CD36: variants seen among roughly 807,000 people sequenced by gnomAD.
The protein encoded by CD36 is CD36 molecule (CD36 blood group).
In CD36, 119 loss-of-function variants were observed where a neutral mutation model predicts 55.2. The observed-to-expected ratio is 2.15, with a 90% CI of 1.86 to 2.51. CD36 has a LOEUF of 2.51. CD36 is among the 30% of genes most tolerant of loss of function. The pLI is 0.00. For synonymous variants in CD36, 186 were observed against 193.6 expected, an observed-to-expected ratio of 0.96 and a Z score of 0.33; for missense variants, 819 against 555.5, an observed-to-expected ratio of 1.47 and a Z score of -4.77.
intron 1 of CD36, among the ~76,000 whole-genome samples, chr7:80,614,065 A>G (rs947783922): frequency 6.6e-6 from 1 of 152,218 alleles, no homozygotes; most frequent in Non-Finnish European, 1.5e-5. Context: ...ATAAAAGAGC[A>G]TTAATGCCAA....
chr7:80,652,076 T>C (rs561799887), intron 3 of CD36, among the ~76,000 whole-genome samples: 1 of 151,912 alleles, frequency 6.6e-6, no homozygotes, highest in South Asian at 2.1e-4. Flanking sequence ...ATATTAAAGA[T>C]GGTAAAGTTT....
chr7:80,664,112 C>A (rs927599194), intron 6 of CD36, among the ~76,000 whole-genome samples: 6 of 152,090 alleles, frequency 3.9e-5, no homozygotes, highest in Non-Finnish European at 8.8e-5. Context: ...ATGTCCCTCA[C>A]CTCAACATAG....
chr7:80,665,656 T>TAAGA (rs1282253184), intron 7 of CD36, among the ~76,000 whole-genome samples: 3 of 152,084 alleles, frequency 2.0e-5, no homozygotes, highest in African/African-American at 7.2e-5. Context: ...CTAGTTAGAG[T>TAAGA]AAGAATTTCA....
chr7:80,650,646 A>G (rs185922129), intron 3 of CD36, among the ~76,000 whole-genome samples: 2 of 152,228 alleles, frequency 1.3e-5, no homozygotes, highest in East Asian at 1.9e-4. Flanking sequence ...GAAAAAAATA[A>G]TTAAACTTCT....
At chr7:80,611,428 A>T (rs927765759) in intron 1 of CD36, among the ~76,000 whole-genome samples, 2 of 152,138 alleles carry the variant, frequency 1.3e-5, no homozygotes, top group African/African-American at 4.8e-5. Flanking sequence ...AGTCATCTTG[A>T]AAATTCTGAG....
At chr7:80,666,302 AT>A in intron 7 of CD36, 140 bp from the exon 8 acceptor site, 5 of 672,586 alleles carry the variant, frequency 7.4e-6, no homozygotes, top group Non-Finnish European at 1.3e-5. Context: ...CATAAACAGA[AT>A]TGAACATTTC....
rs574729233 is a variant in CD36 at position 80,609,018 on chromosome 7, G to T, written c.-184+6639G>T. ...TTCCCTCCAATCCATTCTTCATGCT[G>T]ATGCCAAGGCCATCTCCTAAACCCA... On this transcript the variant is annotated intron_variant, in intron 1 of 13. Coordinates refer to the CD36 transcript ENST00000309881. 4.8e-5 allele frequency among the ~76,000 whole-genome samples: 7 copies of T among 145,512 alleles called. No individual in the cohort carries two copies. In the East Asian group the frequency reaches 1.4e-3, roughly 30 times the overall value.
intron 1 of CD36, among the ~76,000 whole-genome samples, chr7:80,610,687 G>C (rs1472480929): frequency 6.6e-6 from 1 of 152,026 alleles, no homozygotes; most frequent in East Asian, 1.9e-4. Flanking sequence ...CGATTCTCCT[G>C]CCTCAGCCTC....
At chr7:80,605,424 A>AT (rs1434145090) in intron 1 of CD36, among the ~76,000 whole-genome samples, 1 of 152,150 alleles carries the variant, frequency 6.6e-6, no homozygotes, top group Non-Finnish European at 1.5e-5. Context: ...CATATTCATC[A>AT]TTTTATGGAC....
Position 80,671,947 on chromosome 7 carries a change from T to G in CD36, c.1032T>G (p.Pro344=). 1 of 1,611,446 alleles carries G rather than the reference T, an allele frequency of 6.2e-7. No homozygotes were observed. The highest frequency in any genetic ancestry group is 8.5e-7 in the Non-Finnish European group (1 of 1,178,138). ...GGAGACCTGTGTACATTTCACTTCC[T>G]CATTTTCTGTATGCAAGTCCTGATG... is the stretch of plus-strand genomic sequence containing the variant. ...KEGRPVYISL[P]HFLYASPDVS... Residue 344 remains proline, a synonymous_variant, in exon 11 of 15, where the codon CCT becomes CCG. Coordinates refer to ENST00000447544, the MANE Select transcript of CD36 (RefSeq NM_001001548.3).
At position 80,674,082 on chromosome 7, in the gene CD36, G is replaced by GAC; in HGVS notation, c.1354_1355insAC (p.Gly452AspfsTer4). On this transcript the variant is annotated frameshift_variant, in exon 14 of 15. Coordinates refer to ENST00000447544, the MANE Select transcript of CD36 (RefSeq NM_001001548.3). LOFTEE classifies it high-confidence loss of function. ...GATAGAAATGATCTTACTCAGTGTT[G>GAC]GTGTGGTGATGTTTGTTGCTTTTAT... 1 of 1,611,962 alleles carries GAC rather than the reference G, an allele frequency of 6.2e-7. No homozygotes were observed. Among genetic ancestry groups the GAC allele is most frequent in the Non-Finnish European group, 8.5e-7 (1 of 1,178,604 alleles).
intron 1 of CD36, among the ~76,000 whole-genome samples, chr7:80,622,790 A>G (rs1793539163): frequency 6.6e-6 from 1 of 152,216 alleles, no homozygotes; most frequent in Non-Finnish European, 1.5e-5. Flanking sequence ...GCATTTGTAT[A>G]AAGAATTGTC....
chr7:80,643,894 G>A (rs890341226), intron 1 of CD36, among the ~76,000 whole-genome samples: 4 of 152,042 alleles, frequency 2.6e-5, no homozygotes, highest in Admixed American at 2.0e-4. Flanking sequence ...TAATTGCTTC[G>A]TTAAGTATAA....
intron 7 of CD36, chr7:80,666,101 C>A (rs1425186233): frequency 3.3e-6 from 1 of 300,766 alleles, no homozygotes; most frequent in Non-Finnish European, 6.4e-6. Context: ...ACTTATACTA[C>A]TGAGTAATTC....
At chr7:80,674,948 T>C (rs1269179949) in intron 14 of CD36, among the ~76,000 whole-genome samples, 1 of 152,128 alleles carries the variant, frequency 6.6e-6, no homozygotes, top group Non-Finnish European at 1.5e-5. Context: ...GATTTTCCAA[T>C]AGCCTGGATT....
chr7:80,672,742 G>A, intron 11 of CD36, 28 bp from the exon 12 acceptor site: 1 of 1,471,750 alleles, frequency 6.8e-7, no homozygotes, highest in Non-Finnish European at 9.5e-7. Flanking sequence ...TTTAAAAGTT[G>A]GTAATTATTT....
chr7:80,647,519 T>C (rs1046182562), intron 3 of CD36, among the ~76,000 whole-genome samples: 2 of 152,150 alleles, frequency 1.3e-5, no homozygotes, highest in African/African-American at 2.4e-5. Context: ...ATTGAATAGA[T>C]GGGCTTTGCA....
chr7:80,627,330 A>C (rs901928259), intron 1 of CD36, among the ~76,000 whole-genome samples: 1 of 152,094 alleles, frequency 6.6e-6, no homozygotes, highest in African/African-American at 2.4e-5. Context: ...ACAGACGGAA[A>C]CAAGTACAAA....
intron 1 of CD36, among the ~76,000 whole-genome samples, chr7:80,620,471 T>C (rs1222649805): frequency 6.6e-6 from 1 of 152,168 alleles, no homozygotes; most frequent in Admixed American, 6.5e-5. Flanking sequence ...AATGAAGAGA[T>C]GGATCAGGTA....
Sources: allele counts gnomAD v4.1 joint callset (sites outside exome capture counted in the v4.1 genomes callset), GRCh38; gene constraint gnomAD v4.1.1; transcripts MANE v1.5; gene names NCBI Gene and HGNC (gene_info 2026-07-23, HGNC 2026-07-21).